SRSF11: variants seen among roughly 807,000 people sequenced by gnomAD.
SRSF11 encodes serine/arginine-rich splicing factor 11.
SRSF11 carries 9 observed loss-of-function variants against 56.0 expected under a neutral mutation model. The observed-to-expected ratio is 0.16, with a 90% CI of 0.10 to 0.28. The LOEUF (loss-of-function observed/expected upper bound fraction) is 0.28. Among genes scored for constraint, SRSF11 ranks in the 10% least tolerant of loss-of-function variants. The probability of loss-of-function intolerance (pLI) is 1.00; values close to 1 mark genes in which losing one functional copy is unlikely to be tolerated. For synonymous variants in SRSF11, 222 were observed against 215.3 expected (o/e 1.03, Z -0.27); for missense variants, 421 against 600.7 (o/e 0.70, Z 3.13).
At chr1:70,250,539 G>A (rs548336723) in intron 11 of SRSF11, 36 bp downstream of exon 11, 1 of 1,607,868 alleles carries the variant, frequency 6.2e-7, no homozygotes. Context: ...TATATTTGGG[G>A]TGATGTTGGT....
chr1:70,245,469 G>A (rs556189624), intron 8 of SRSF11, among the ~76,000 whole-genome samples: 1 of 152,162 alleles, frequency 6.6e-6, no homozygotes, highest in Non-Finnish European at 1.5e-5. Context: ...ATGTGCTGCA[G>A]AGTGAATCAA....
At chr1:70,243,174 C>T (rs1328283570) in intron 7 of SRSF11, among the ~76,000 whole-genome samples, 2 of 151,608 alleles carry the variant, frequency 1.3e-5, no homozygotes, top group Admixed American at 6.6e-5. Context: ...ATTTAATGTA[C>T]AGTCCCCTCC....
intron 9 of SRSF11, 142 bp downstream of exon 9, chr1:70,247,049 T>C: frequency 8.9e-7 from 1 of 1,124,856 alleles, no homozygotes; most frequent in African/African-American, 1.6e-5. Context: ...TATTTAAAGT[T>C]TTTAAAAGGC....
chr1:70,244,968 G>A (rs1029000972), intron 8 of SRSF11, among the ~76,000 whole-genome samples, 153 bp downstream of exon 8: 2 of 152,202 alleles, frequency 1.3e-5, no homozygotes, highest in African/African-American at 4.8e-5. Context: ...GGAGGCTGAC[G>A]TTTGCTTTCT....
intron 2 of SRSF11, chr1:70,231,637 A>G (rs1011337204): frequency 2.5e-6 from 3 of 1,177,856 alleles, no homozygotes; most frequent in African/African-American, 1.6e-5. Flanking sequence ...TCCTGTGTGT[A>G]TTCAGAGACC....
chr1:70,230,224 G>C, intron 2 of SRSF11: 2 of 987,652 alleles, frequency 2.0e-6, no homozygotes, highest in Non-Finnish European at 2.4e-6. Flanking sequence ...AAGTATTTAG[G>C]AATATACAGT....
intron 5 of SRSF11, among the ~76,000 whole-genome samples, chr1:70,236,416 C>T (rs544914960): frequency 6.6e-6 from 1 of 150,830 alleles, no homozygotes; most frequent in African/African-American, 2.4e-5. Context: ...CTGCAACCTC[C>T]GCCTCCCAGA....
At chr1:70,217,863 A>G (rs2100549239), upstream of SRSF11, among the ~76,000 whole-genome samples, 2 of 152,316 alleles carry the variant, frequency 1.3e-5, 1 homozygote, top group South Asian at 4.1e-4. Flanking sequence ...AGAATCTTCA[A>G]AATTATGATT....
At position 70,252,963 on chromosome 1, in the gene SRSF11, G is replaced by A. The variant is rs1418752454; in HGVS notation, c.*2158G>A. On this transcript the variant is annotated 3_prime_UTR_variant, in exon 12 of 12. Transcript: ENST00000370949. ...ACACAAGCCTTTTAACAGATAACCA[G>A]TTGAAATCAAACACTGCCTCCACAC... 1 of 152,184 alleles carries A rather than the reference G, an allele frequency of 6.6e-6. No individual in the cohort carries two copies. The highest frequency in any genetic ancestry group is 1.9e-4 in the East Asian group (1 of 5,198). 9.4% of individuals were successfully genotyped at this position (152,184 alleles called of 1,614,324 possible). A position where few individuals can be genotyped will look rare whatever the true frequency, so the allele number is the denominator to read the frequency against.
intron 7 of SRSF11, 130 bp from the exon 8 acceptor site, chr1:70,244,554 A>G (rs948801902): frequency 2.0e-6 from 2 of 992,814 alleles, no homozygotes; most frequent in African/African-American, 1.6e-5. Context: ...AAATAATAGC[A>G]AATGGAAGGG....
rs911261066 is a variant in SRSF11 at position 70,234,847 on chromosome 1, C to G, written c.540+59C>G. The G allele has an allele frequency of 5.7e-6, 8 of 1,404,634 alleles. 1 individual carries two copies. The African/African-American group carries it at 1.2e-4, about 20-fold the overall frequency. 87.0% of individuals were successfully genotyped at this position (1,404,634 alleles called of 1,614,324 possible). A position where few individuals can be genotyped will look rare whatever the true frequency, so the allele number is the denominator to read the frequency against. On this transcript the variant is annotated intron_variant, in intron 4 of 11. Transcript: ENST00000370949. Reference sequence around the variant, plus strand: ...TTTTACAGAAGATCTGTTTCATTAACTGTTGGTTTGCATTTCAAGAGCAGA... The same window carrying G: ...TTTTACAGAAGATCTGTTTCATTAAGTGTTGGTTTGCATTTCAAGAGCAGA...
upstream of SRSF11, chr1:70,221,077 G>A (rs1168692018): frequency 6.6e-6 from 1 of 152,156 alleles, no homozygotes; most frequent in Non-Finnish European, 1.5e-5. Context: ...CTCTGTAGAT[G>A]ATTATCAGTA....
chr1:70,220,023 G>C (rs1374685059), upstream of SRSF11, among the ~76,000 whole-genome samples: 1 of 152,194 alleles, frequency 6.6e-6, no homozygotes, highest in African/African-American at 2.4e-5. Context: ...TTAGTGAACT[G>C]TCTTAAATGC....
chr1:70,236,842 C>CA (rs1558196857), intron 5 of SRSF11, among the ~76,000 whole-genome samples: 1 of 108,700 alleles, frequency 9.2e-6, no homozygotes, highest in Non-Finnish European at 1.7e-5. Context: ...CTCACTCTGT[C>CA]GCCCAGGCTG....
At chr1:70,239,680 G>GAAAAGCGAC (rs1674890084) in intron 7 of SRSF11, among the ~76,000 whole-genome samples, 160 bp downstream of exon 7, 1 of 152,108 alleles carries the variant, frequency 6.6e-6, no homozygotes, top group Non-Finnish European at 1.5e-5. Context: ...TAAAAAGTAA[G>GAAAAGCGAC]AAAAGCGACA....
At chr1:70,236,063 T>G (rs1447765057) in intron 5 of SRSF11, among the ~76,000 whole-genome samples, 2 of 152,138 alleles carry the variant, frequency 1.3e-5, no homozygotes, top group Non-Finnish European at 2.9e-5. Context: ...TTATACCTTT[T>G]CCCCTTAACT....
chr1:70,231,014 T>C (rs990370509), intron 2 of SRSF11: 1 of 1,283,900 alleles, frequency 7.8e-7, no homozygotes, highest in African/African-American at 1.5e-5. Flanking sequence ...GTTTATATTA[T>C]CGGCACTTCT....
intron 3 of SRSF11, 36 bp from the exon 4 acceptor site, chr1:70,234,660 T>C: frequency 1.3e-6 from 2 of 1,542,394 alleles, no homozygotes; most frequent in South Asian, 1.2e-5. Context: ...GGAACTGAAA[T>C]GAAGTTTTAA....
intron 1 of SRSF11, among the ~76,000 whole-genome samples, chr1:70,210,640 G>A (rs987193004): frequency 5.3e-5 from 8 of 152,118 alleles, no homozygotes; most frequent in East Asian, 1.9e-4. Context: ...GCTTGACCCC[G>A]GAAGGCCGAG....
Sources: gnomAD v4.1 joint callset for allele counts (sites outside exome capture counted in the v4.1 genomes callset) on GRCh38, gnomAD v4.1.1 for gene constraint, MANE v1.5 for transcripts, NCBI Gene and HGNC (gene_info 2026-07-23, HGNC 2026-07-21) for gene names.